The following DRC2 variants were observed in gnomAD, a reference collection of about 807,000 sequenced individuals.
DRC2 encodes the protein coiled-coil domain containing 65.
chr12:48,914,442 C>T, the DRC2 span: 8 of 1,613,724 alleles, frequency 5.0e-6, no homozygotes, highest in African/African-American at 4.0e-5. Flanking sequence ...AGGAGCAGTA[C>T]GCCCATGCCC....
chr12:48,909,037 C>CTTTTTTTTTTTTTT, the DRC2 span, among the ~76,000 whole-genome samples: 2 of 82,370 alleles, frequency 2.4e-5, no homozygotes, highest in African/African-American at 4.8e-5. Context: ...TTTTCTTTCT[C>CTTTTTTTTTTTTTT]TTTTTTTTTT....
chr12:48,904,207 C>A, the DRC2 span: 1 of 1,274,886 alleles, frequency 7.8e-7, no homozygotes, highest in Non-Finnish European at 1.1e-6. Flanking sequence ...CTGAGATCTC[C>A]GGTCCCACAA....
chr12:48,918,561 C>A, the DRC2 span: 1 of 1,501,870 alleles, frequency 6.7e-7, no homozygotes, highest in Non-Finnish European at 9.1e-7. Context: ...GGCCTCATCA[C>A]TGATCATTGG....
the DRC2 span, chr12:48,914,555 A>G: frequency 6.2e-7 from 1 of 1,613,874 alleles, no homozygotes; most frequent in East Asian, 2.2e-5. Flanking sequence ...GCCCTAACCA[A>G]GGAGTTTGAG....
At chr12:48,909,147 G>T in the DRC2 span, among the ~76,000 whole-genome samples, 1 of 148,334 alleles carries the variant, frequency 6.7e-6, no homozygotes, top group African/African-American at 2.5e-5. Context: ...GGGTTCAAGC[G>T]ATTCTTCTGC....
chr12:48,918,056 C>G, the DRC2 span: 1 of 504,044 alleles, frequency 2.0e-6, no homozygotes, highest in African/African-American at 1.9e-5. Flanking sequence ...TGCCCCTCCT[C>G]CTCCCAAATG....
the DRC2 span, chr12:48,918,932 A>T: frequency 3.2e-6 from 5 of 1,571,110 alleles, no homozygotes; most frequent in Non-Finnish European, 4.4e-6. Context: ...CTATCAGAAT[A>T]AAGTCAAGGA....
the DRC2 span, chr12:48,921,235 T>C: frequency 2.4e-5 from 38 of 1,614,080 alleles, no homozygotes; most frequent in Non-Finnish European, 3.1e-5. Context: ...CTGGAGCAAC[T>C]GAGCCTCCAA....
At chr12:48,915,119 T>C in the DRC2 span, among the ~76,000 whole-genome samples, 1 of 150,764 alleles carries the variant, frequency 6.6e-6, no homozygotes, top group African/African-American at 2.4e-5. Flanking sequence ...TCTTTCTTTT[T>C]TTTTTTTTTT....
chr12:48,916,589 GGAAAGAGA>G, the DRC2 span, among the ~76,000 whole-genome samples: 5 of 152,120 alleles, frequency 3.3e-5, no homozygotes, highest in Non-Finnish European at 4.4e-5. Context: ...GGGAGACCGT[GGAAAGAGA>G]GGGAGAGGGA....
the DRC2 span, among the ~76,000 whole-genome samples, chr12:48,911,119 G>A: frequency 2.6e-5 from 4 of 152,052 alleles, no homozygotes; most frequent in African/African-American, 9.7e-5. Context: ...TTTTTATTTT[G>A]GTAACTGGAT....
the DRC2 span, chr12:48,914,631 G>A: frequency 2.6e-6 from 4 of 1,548,852 alleles, no homozygotes; most frequent in Non-Finnish European, 3.5e-6. Flanking sequence ...CAGAGTCCGT[G>A]TCAAGGAGTT....
the DRC2 span, among the ~76,000 whole-genome samples, chr12:48,909,037 CTTTTTTTTTT>C: frequency 1.2e-4 from 10 of 82,370 alleles, 1 homozygote; most frequent in Non-Finnish European, 1.8e-4. Flanking sequence ...TTTTCTTTCT[CTTTTTTTTTT>C]TTTTTTTTTT....
the DRC2 span, chr12:48,920,838 T>A: frequency 4.8e-6 from 6 of 1,244,902 alleles, no homozygotes; most frequent in South Asian, 9.1e-5. Flanking sequence ...CTTGGATGAG[T>A]AGCTTCCCTG....
At chr12:48,913,861 C>T in the DRC2 span, among the ~76,000 whole-genome samples, 1 of 151,122 alleles carries the variant, frequency 6.6e-6, no homozygotes. Flanking sequence ...CTCCTGACCT[C>T]ATGATCTGCC....
At chr12:48,918,372 CCA>C in the DRC2 span, 33 of 1,613,996 alleles carry the variant, frequency 2.0e-5, no homozygotes, top group Non-Finnish European at 2.7e-5. Context: ...TACACTGATG[CCA>C]CAGAGGATCG....
chr12:48,919,600 C>A, the DRC2 span, among the ~76,000 whole-genome samples: 1 of 151,994 alleles, frequency 6.6e-6, no homozygotes, highest in Non-Finnish European at 1.5e-5. Flanking sequence ...TCGCTGCAAC[C>A]TTTACCTCCC....
the DRC2 span, chr12:48,921,228 G>T: frequency 6.2e-7 from 1 of 1,614,180 alleles, no homozygotes. Flanking sequence ...AGTGAAACTG[G>T]AGCAACTGAG....
the DRC2 span, chr12:48,918,580 A>C: frequency 1.3e-6 from 2 of 1,486,128 alleles, no homozygotes; most frequent in Admixed American, 1.9e-5. Flanking sequence ...GGTTGGGAAA[A>C]GATGATATGC....
Sources: allele counts gnomAD v4.1 joint callset (sites outside exome capture counted in the v4.1 genomes callset), GRCh38; gene constraint gnomAD v4.1.1; transcripts MANE v1.5; gene names NCBI Gene and HGNC (gene_info 2026-07-23, HGNC 2026-07-21).